The following EXOC7 variants were observed in gnomAD, a reference collection of about 807,000 sequenced individuals.
The protein encoded by EXOC7 is exocyst complex component 7.
EXOC7 carries 51 observed loss-of-function variants against 87.6 expected under a neutral mutation model. The observed-to-expected ratio is 0.58, with a 90% CI of 0.46 to 0.73. The LOEUF is 0.73. Ranked by LOEUF, EXOC7 falls within the 30% of genes least tolerant of loss-of-function variation. The probability of loss-of-function intolerance (pLI) is 0.00; values close to 1 mark genes in which losing one functional copy is unlikely to be tolerated. For missense variants in EXOC7, 744 were observed against 888.4 expected (o/e 0.84, Z 2.07); for synonymous variants, 327 against 357.1 (o/e 0.92, Z 0.95).
chr17:76,097,170 T>A (rs1017554547), intron 5 of EXOC7, among the ~76,000 whole-genome samples: 1 of 152,166 alleles, frequency 6.6e-6, no homozygotes, highest in Non-Finnish European at 1.5e-5. Context: ...ATAGTGCTCA[T>A]CTTTGGCTTA....
chr17:76,087,516 C>T (rs1694716603), intron 12 of EXOC7, 138 bp downstream of exon 12: 1 of 809,498 alleles, frequency 1.2e-6, no homozygotes, highest in Non-Finnish European at 1.9e-6. Flanking sequence ...GATGCTCAGC[C>T]CCAGGGACCC....
intron 8 of EXOC7, 52 bp downstream of exon 8, chr17:76,089,123 T>G: frequency 6.2e-7 from 1 of 1,606,500 alleles, no homozygotes; most frequent in Non-Finnish European, 8.5e-7. Context: ...AAGAGTCTGT[T>G]GTGACAGCTC....
At position 76,082,459 on chromosome 17, in the gene EXOC7, A is replaced by C. The variant is rs781738913; in HGVS notation, c.*1189T>G. 3 of 1,603,600 alleles carry C rather than the reference A, an allele frequency of 1.9e-6. No individual in the cohort carries two copies. The African/African-American group carries it at 4.0e-5, about 21-fold the overall frequency. On this transcript the variant is annotated 3_prime_UTR_variant, in exon 19 of 19. Coordinates refer to ENST00000589210, the MANE Select transcript of EXOC7 (RefSeq NM_001013839.4). ...AGCTCCTTTCCCTGTATCTCTCCCCACAGAGCCCTCCAGAGGAGTAAAGGG... is the reference window on the plus strand; with the variant it reads ...AGCTCCTTTCCCTGTATCTCTCCCCCCAGAGCCCTCCAGAGGAGTAAAGGG...
intron 10 of EXOC7, 91 bp downstream of exon 10, chr17:76,088,373 C>T: frequency 7.6e-7 from 1 of 1,323,576 alleles, no homozygotes; most frequent in South Asian, 1.3e-5. Flanking sequence ...GACAACGCAC[C>T]CTCTTGGAGG....
At chr17:76,086,707 G>T (rs1379633471) in intron 12 of EXOC7, 5 of 670,048 alleles carry the variant, frequency 7.5e-6, no homozygotes, top group African/African-American at 1.8e-5. Context: ...GGCCTTGAAG[G>T]GAGCAGAGAG....
intron 6 of EXOC7, chr17:76,094,104 G>A (rs1381969584): frequency 1.9e-5 from 5 of 257,124 alleles, no homozygotes; most frequent in Admixed American, 1.0e-4. Flanking sequence ...ACAGGGCGAC[G>A]TGTGTGTGAG....
chr17:76,101,047 A>G, intron 4 of EXOC7: 1 of 717,028 alleles, frequency 1.4e-6, no homozygotes, highest in Non-Finnish European at 1.8e-6. Flanking sequence ...GTAATTTATA[A>G]TTTAATTTTT....
chr17:76,088,720 G>T, intron 9 of EXOC7, 51 bp downstream of exon 9: 2 of 1,609,510 alleles, frequency 1.2e-6, no homozygotes, highest in South Asian at 1.1e-5. Flanking sequence ...GGCCACACCC[G>T]GCAGCACGAT....
rs781658922 is a variant in EXOC7, at chr17:76,084,527, G to T, written c.1766C>A (p.Pro589Gln). 3.1e-6 allele frequency: 5 copies of T among 1,613,806 alleles called. No individual in the cohort carries two copies. The highest frequency in any genetic ancestry group is 3.3e-5 in the Admixed American group (2 of 59,978). Residue 589 changes from proline (P) to glutamine (Q), a missense_variant, in exon 16 of 19, where the codon CCG becomes CAG. Pro to Gln is a moderately conservative substitution (Grantham distance 76). Coordinates refer to ENST00000589210, the MANE Select transcript of EXOC7 (RefSeq NM_001013839.4). Reference protein sequence around the residue: ...IAEKNLPVFQPGVKLRDKERQ... With the variant: ...IAEKNLPVFQQGVKLRDKERQ... The stretch of plus-strand genomic sequence containing the variant: ...AGGTCTTGAGCCCACCTTGACTCCC[G>T]GCTGGAACACAGGTAGATTCTTCTC...
chr17:76,091,393 T>A, intron 6 of EXOC7, 158 bp from the exon 7 acceptor site: 1 of 609,010 alleles, frequency 1.6e-6, no homozygotes, highest in South Asian at 2.0e-5. Flanking sequence ...GGGACAAGGA[T>A]GAAGGAAAGG....
intron 13 of EXOC7, 87 bp downstream of exon 13, chr17:76,085,993 G>T: frequency 6.5e-7 from 1 of 1,545,888 alleles, no homozygotes; most frequent in Non-Finnish European, 8.8e-7. Context: ...GAGGGCCCTG[G>T]GAATAGCCAG....
intron 5 of EXOC7, among the ~76,000 whole-genome samples, 167 bp from the exon 6 acceptor site, chr17:76,094,748 CTT>C (rs35625794): frequency 2.5e-3 from 363 of 143,692 alleles, no homozygotes; most frequent in African/African-American, 3.6e-3. Context: ...CTTTCAAAGT[CTT>C]TTTTTTTTTT....
Position 76,100,752 on chromosome 17 carries a change from C to A in EXOC7, c.417+519G>T, listed in dbSNP as rs978538557. On this transcript the variant is annotated intron_variant, in intron 4 of 18. Coordinates refer to ENST00000589210, the MANE Select transcript of EXOC7 (RefSeq NM_001013839.4). ...TCACGCCTGTAATCCCAGGCCAAGG[C>A]GGGGGATCATCTGAGGTCAGGAGTT... 3.3e-5 allele frequency among the ~76,000 whole-genome samples: 5 copies of A among 152,172 alleles called. 1 individual carries two copies. The South Asian group carries it at 1.0e-3, about 32-fold the overall frequency.
chr17:76,081,201 G>A lies in EXOC7; in HGVS notation c.*2447C>T. ...CATCAAAAGTCTCCATCACCCCTGG[G>A]CTCCAGTCTGCTACCCCCAGACTTG... is the stretch of plus-strand genomic sequence containing the variant. On this transcript the variant is annotated 3_prime_UTR_variant, in exon 19 of 19. Transcript: ENST00000589210. The A allele has an allele frequency of 6.3e-7, 1 of 1,586,804 alleles. No individual in the cohort carries two copies.
Position 76,081,263 on chromosome 17 carries a change from A to T in EXOC7, c.*2385T>A. ...CTCTCCTTCCTGGTTCATAGTTCTC[A>T]TTCCCACCCCTCAGCGATGGAGTTA... On this transcript the variant is annotated 3_prime_UTR_variant, in exon 19 of 19. Coordinates refer to ENST00000589210, the MANE Select transcript of EXOC7 (RefSeq NM_001013839.4). The T allele has an allele frequency of 6.2e-7, 1 of 1,613,170 alleles. No homozygotes were observed. Among genetic ancestry groups the T allele is most frequent in the Non-Finnish European group, 8.5e-7 (1 of 1,179,852 alleles).
chr17:76,085,030 A>G (rs889713737), intron 15 of EXOC7: 3 of 501,478 alleles, frequency 6.0e-6, no homozygotes, highest in African/African-American at 5.8e-5. Context: ...TCTCCTAGGT[A>G]AACATTACCC....
At position 76,082,953 on chromosome 17, in the gene EXOC7, C is replaced by G; in HGVS notation, c.*695G>C. The G allele has an allele frequency of 3.8e-6, 1 of 265,650 alleles. No homozygotes were observed. Among genetic ancestry groups the G allele is most frequent in the East Asian group, 7.9e-5 (1 of 12,598 alleles). The allele number at this position is 265,650 out of a possible 1,614,324, so 16.5% of individuals were successfully genotyped here. A position where few individuals can be genotyped will look rare whatever the true frequency, so the allele number is the denominator to read the frequency against. On this transcript the variant is annotated 3_prime_UTR_variant, in exon 19 of 19. Transcript: ENST00000589210. ...GGCAGCCTAATTGCTCCTTCTGCAA[C>G]CACGACTGCCTGGCCCTGGGCCAAG...
At position 76,082,245 on chromosome 17, in the gene EXOC7, C is replaced by A; in HGVS notation, c.*1403G>T. 1 of 783,638 alleles carries A rather than the reference C, an allele frequency of 1.3e-6. No individual in the cohort carries two copies. The highest frequency in any genetic ancestry group is 3.8e-4 in the Middle Eastern group (1 of 2,656). 48.5% of individuals were successfully genotyped at this position (783,638 alleles called of 1,614,324 possible). ...GGAGCAAGCTGAGCCTCCCTGAAGT[C>A]CCAGGTGACCTCAATCCCCTGATAA... On this transcript the variant is annotated 3_prime_UTR_variant, in exon 19 of 19. Coordinates refer to ENST00000589210, the MANE Select transcript of EXOC7 (RefSeq NM_001013839.4).
chr17:76,103,423 C>T lies in EXOC7; in HGVS notation c.64G>A (p.Glu22Lys). Residue 22 changes from glutamate (E) to lysine (K), a missense_variant, in exon 2 of 19, where the codon GAG becomes AAG. Coordinates refer to ENST00000589210, the MANE Select transcript of EXOC7 (RefSeq NM_001013839.4). Reference sequence around the variant, plus strand: ...TCTCGGATGAAGGACAGAGTCTCCTCCTCCTGGGGGCAGGCAAGGGGAGGA... The same window carrying T: ...TCTCGGATGAAGGACAGAGTCTCCTTCTCCTGGGGGCAGGCAAGGGGAGGA... ...REIEDKLKQE[E>K]ETLSFIRDSL... The T allele has an allele frequency of 1.2e-6, 2 of 1,602,274 alleles. No homozygotes were observed. Among genetic ancestry groups the T allele is most frequent in the Non-Finnish European group, 1.7e-6 (2 of 1,174,142 alleles).
Sources: allele counts gnomAD v4.1 joint callset (sites outside exome capture counted in the v4.1 genomes callset), GRCh38; gene constraint gnomAD v4.1.1; transcripts MANE v1.5; gene names NCBI Gene and HGNC (gene_info 2026-07-23, HGNC 2026-07-21).